The following VEGFA variants were observed in gnomAD, a reference collection of about 807,000 sequenced individuals.
VEGFA encodes vascular endothelial growth factor A, long form.
Under a neutral mutation model 49.7 loss-of-function variants are expected in VEGFA, and 20 were observed. The ratio of observed to expected loss-of-function variants is 0.40; its 90% CI spans 0.28 to 0.58. VEGFA has a LOEUF of 0.58. Among genes scored for constraint, VEGFA ranks in the 20% least tolerant of loss-of-function variants. The probability of loss-of-function intolerance (pLI) is 0.40; values close to 1 mark genes in which losing one functional copy is unlikely to be tolerated. For missense variants in VEGFA, 505 were observed against 553.5 expected (o/e 0.91, Z 0.88); for synonymous variants, 219 against 223.4 (o/e 0.98, Z 0.18).
At chr6:43,771,391 C>T (rs980637570) in intron 1 of VEGFA, 79 bp downstream of exon 1, 13 of 1,445,194 alleles carry the variant, frequency 9.0e-6, no homozygotes, top group African/African-American at 1.5e-5. Flanking sequence ...CGAGCGCGCG[C>T]GTGGGGGCTC....
In VEGFA at chr6:43,771,121, C is replaced by G. The variant is rs1328421749; in HGVS notation, c.415C>G (p.Leu139Val). Reference sequence around the variant, plus strand: ...TCCAGCCGCGCGCGCTCCCCAGGCCCTGGCCCGGGCCTCGGGCCGGGGAGG... The same window carrying G: ...TCCAGCCGCGCGCGCTCCCCAGGCCGTGGCCCGGGCCTCGGGCCGGGGAGG... Residue 139 changes from leucine to valine, a missense_variant, in exon 1 of 8, where the codon CTG becomes GTG. Coordinates refer to ENST00000672860, the MANE Select transcript of VEGFA (RefSeq NM_003376.6). 3 of 1,485,720 alleles carry G rather than the reference C, an allele frequency of 2.0e-6. No individual in the cohort carries two copies. Among genetic ancestry groups the G allele is most frequent in the East Asian group, 5.3e-5 (2 of 37,384 alleles). 92.0% of individuals were successfully genotyped at this position (1,485,720 alleles called of 1,614,324 possible).
chr6:43,781,663 G>T, intron 6 of VEGFA: 1 of 402,394 alleles, frequency 2.5e-6, no homozygotes, highest in Non-Finnish European at 4.7e-6. Context: ...TGTGGCCTGA[G>T]ACTCACCCTT....
rs1582498604 is a variant in VEGFA at position 43,777,601 on chromosome 6, G to A, written c.791G>A (p.Gly264Glu). Residue 264 changes from glycine to glutamate, a missense_variant, in exon 3 of 8, where the codon GGG becomes GAG. By Grantham distance (98) the Gly-to-Glu change is moderately conservative. This residue lies in a region of VEGFA where 165 missense variants were observed against 231.7 expected (regional missense o/e 0.71). Transcript: ENST00000672860. The surrounding 1 kb of genome is among the most constrained non-coding windows in gnomAD (Gnocchi z 4.3). ...TCCTGTGTGCCCCTGATGCGATGCGGGGGCTGCTGCAATGACGAGGGCCTG... is the reference window on the plus strand; with the variant it reads ...TCCTGTGTGCCCCTGATGCGATGCGAGGGCTGCTGCAATGACGAGGGCCTG... 1 of 1,614,112 alleles carries A rather than the reference G, an allele frequency of 6.2e-7. No individual in the cohort carries two copies. The highest frequency in any genetic ancestry group is 8.5e-7 in the Non-Finnish European group (1 of 1,180,010).
chr6:43,782,054 C>A lies in VEGFA; in HGVS notation c.1133C>A (p.Ala378Glu). The change falls in exon 7 of 8, where the codon GCG becomes GAG. Residue 378 changes from alanine to glutamate, a missense_variant. Around this residue, in one of 2 missense-constraint regions of VEGFA, gnomAD observed 165 missense variants for 231.7 expected, o/e 0.71. Transcript: ENST00000672860. ...AAAAACACAGACTCGCGTTGCAAGG[C>A]GAGGCAGCTTGAGTTAAACGAACGT... The A allele has an allele frequency of 6.2e-7, 1 of 1,614,014 alleles. No individual in the cohort carries two copies. Among genetic ancestry groups the A allele is most frequent in the Non-Finnish European group, 8.5e-7 (1 of 1,180,012 alleles).
At chr6:43,779,761 G>A in intron 5 of VEGFA, 1 of 458,776 alleles carries the variant, frequency 2.2e-6, no homozygotes, top group Non-Finnish European at 4.4e-6. Context: ...TCCTAAGGGG[G>A]ACAGACTTGC....
Position 43,785,618 on chromosome 6 carries a change from C to T in VEGFA, c.*1056C>T, listed in dbSNP as rs1168139170. On this transcript the variant is annotated 3_prime_UTR_variant, in exon 8 of 8. Coordinates refer to ENST00000672860, the MANE Select transcript of VEGFA (RefSeq NM_003376.6). ...GCCTAAAAGGACCTATGTCCTCACA[C>T]CATTGAAACCACTAGTTCTGTCCCC... 9.8e-6 allele frequency: 2 copies of T among 203,746 alleles called. No individual in the cohort carries two copies. The highest frequency in any genetic ancestry group is 4.6e-5 in the African/African-American group (2 of 43,588). 12.6% of individuals were successfully genotyped at this position (203,746 alleles called of 1,614,324 possible).
intron 2 of VEGFA, chr6:43,775,680 C>T (rs548293212): frequency 6.6e-6 from 1 of 152,388 alleles, no homozygotes; most frequent in South Asian, 2.1e-4. Context: ...GATTAGTCAT[C>T]TTCTCCCCTA....
Position 43,778,484 on chromosome 6 carries a change from G to A in VEGFA, c.880G>A (p.Gly294Ser), listed in dbSNP as rs1275152500. Residue 294 changes from glycine (G) to serine (S), a missense_variant, in exon 4 of 8, where the codon GGC becomes AGC. By Grantham distance (56) the Gly-to-Ser change is moderately conservative. Around this residue, in one of 2 missense-constraint regions of VEGFA, gnomAD observed 165 missense variants for 231.7 expected, o/e 0.71. Transcript: ENST00000672860. ...GATTATGCGGATCAAACCTCACCAA[G>A]GCCAGCACATAGGAGAGATGAGCTT... 6.2e-7 allele frequency: 1 copy of A among 1,614,176 alleles called. No individual in the cohort carries two copies. The highest frequency in any genetic ancestry group is 8.5e-7 in the Non-Finnish European group (1 of 1,180,030).
At chr6:43,781,751 G>T in intron 6 of VEGFA, 1 of 602,258 alleles carries the variant, frequency 1.7e-6, no homozygotes, top group Non-Finnish European at 2.9e-6. Flanking sequence ...GCCTCTTCCT[G>T]CGGCAGGTGT....
chr6:43,784,759 G>A lies in VEGFA; in HGVS notation c.*197G>A, dbSNP rs936479141. ...GCAGAGCACTTTGGGTCCGGAGGGC[G>A]AGACTCCGGCGGAAGCATTCCCGGG... On this transcript the variant is annotated 3_prime_UTR_variant, in exon 8 of 8. Transcript: ENST00000672860. The A allele has an allele frequency of 8.5e-5, 83 of 975,668 alleles. No homozygotes were observed. The highest frequency in any genetic ancestry group is 4.1e-4 in the Middle Eastern group (2 of 4,846). 60.4% of individuals were successfully genotyped at this position (975,668 alleles called of 1,614,324 possible).
Position 43,784,637 on chromosome 6 carries a change from G to T in VEGFA, c.*75G>T. The T allele has an allele frequency of 6.2e-7, 1 of 1,613,540 alleles. No individual in the cohort carries two copies. Among genetic ancestry groups the T allele is most frequent in the Non-Finnish European group, 8.5e-7 (1 of 1,179,468 alleles). The stretch of plus-strand genomic sequence containing the variant: ...TCACCAGGAAAGACTGATACAGAAC[G>T]ATCGATACAGAAACCACGCTGCCGC... On this transcript the variant is annotated 3_prime_UTR_variant, in exon 8 of 8. Coordinates refer to ENST00000672860, the MANE Select transcript of VEGFA (RefSeq NM_003376.6).
chr6:43,780,644 C>T lies in VEGFA; in HGVS notation c.963-88C>T, dbSNP rs180822844. 1,625 of 1,560,340 alleles carry T rather than the reference C, an allele frequency of 1.0e-3. 3 individuals carry two copies. Among genetic ancestry groups the T allele is most frequent in the Non-Finnish European group, 1.2e-3 (1,423 of 1,141,576 alleles). ...CGGCCCTGTGTGGCTTTGCTTTGGT[C>T]GTTCCCCCATCCCTGCCCACCTTAC... On this transcript the variant is annotated intron_variant, in intron 5 of 7. Transcript: ENST00000672860.
chr6:43,771,097 C>G lies in VEGFA; in HGVS notation c.391C>G (p.Pro131Ala), dbSNP rs2127996699. Reference sequence around the variant, plus strand: ...GGCGGCGGTGTGCGCAGACAGTGCTCCAGCCGCGCGCGCTCCCCAGGCCCT... The same window carrying G: ...GGCGGCGGTGTGCGCAGACAGTGCTGCAGCCGCGCGCGCTCCCCAGGCCCT... The change falls in exon 1 of 8, where the codon CCA (proline) becomes GCA (alanine). Residue 131 changes from proline to alanine, a missense_variant. This residue lies in a region of VEGFA where 340 missense variants were observed against 321.8 expected (regional missense o/e 1.06). Coordinates refer to ENST00000672860, the MANE Select transcript of VEGFA (RefSeq NM_003376.6). 6.8e-7 allele frequency: 1 copy of G among 1,470,358 alleles called. No individual in the cohort carries two copies. Among genetic ancestry groups the G allele is most frequent in the Non-Finnish European group, 9.0e-7 (1 of 1,115,240 alleles). 91.1% of individuals were successfully genotyped at this position (1,470,358 alleles called of 1,614,324 possible). A position where few individuals can be genotyped will look rare whatever the true frequency, so the allele number is the denominator to read the frequency against.
rs372384354 is a variant in VEGFA at position 43,784,653 on chromosome 6, A to C, written c.*91A>C. 71 of 1,605,130 alleles carry C rather than the reference A, an allele frequency of 4.4e-5. No individual in the cohort carries two copies. In the South Asian group the frequency reaches 7.8e-4, roughly 18 times the overall value. ...ATACAGAACGATCGATACAGAAACC[A>C]CGCTGCCGCCACCACACCATCACCA... On this transcript the variant is annotated 3_prime_UTR_variant, in exon 8 of 8. Transcript: ENST00000672860.
intron 3 of VEGFA, 48 bp from the exon 4 acceptor site, chr6:43,778,412 T>C (rs1245196196): frequency 6.4e-7 from 1 of 1,564,714 alleles, no homozygotes; most frequent in Non-Finnish European, 8.8e-7. Flanking sequence ...CATCTGGGTA[T>C]GGCTGGCTGG....
chr6:43,771,161 G>A lies in VEGFA; in HGVS notation c.455G>A (p.Arg152Gln), dbSNP rs769291960. The change falls in exon 1 of 8, where the codon CGA becomes CAA. Residue 152 changes from arginine to glutamine, a missense_variant. Physicochemically the swap from Arg to Gln is conservative, Grantham distance 43. Coordinates refer to ENST00000672860, the MANE Select transcript of VEGFA (RefSeq NM_003376.6). Reference sequence around the variant, plus strand: ...GGCCGGGGAGGAAGAGTAGCTCGCCGAGGCGCCGAGGAGAGCGGGCCGCCC... The same window carrying A: ...GGCCGGGGAGGAAGAGTAGCTCGCCAAGGCGCCGAGGAGAGCGGGCCGCCC... 4 of 1,557,562 alleles carry A rather than the reference G, an allele frequency of 2.6e-6. No individual in the cohort carries two copies. Among genetic ancestry groups the A allele is most frequent in the Non-Finnish European group, 3.5e-6 (4 of 1,156,286 alleles).
chr6:43,777,181 C>T lies in VEGFA; in HGVS notation c.659-288C>T, dbSNP rs1036962976. ...CTGGCATCGAGGTTGGCCCAGGATT[C>T]AGTTCAGCTGTCACAGTGAGGTGGC... On this transcript the variant is annotated intron_variant, in intron 2 of 7. Transcript: ENST00000672860. The surrounding 1 kb of genome is among the most constrained non-coding windows in gnomAD (Gnocchi z 4.3). The T allele has an allele frequency of 1.0e-5, 5 of 496,784 alleles. No homozygotes were observed. In the East Asian group the frequency reaches 2.0e-4, roughly 20 times the overall value. The allele number at this position is 496,784 out of a possible 1,614,324, so 30.8% of individuals were successfully genotyped here.
chr6:43,781,059 C>T, intron 6 of VEGFA: 2 of 819,224 alleles, frequency 2.4e-6, no homozygotes, highest in South Asian at 1.7e-5. Flanking sequence ...GGAGGGGACC[C>T]TGGCTTGGCT....
At position 43,770,757 on chromosome 6, in the gene VEGFA, C is replaced by T. The variant is rs989641262; in HGVS notation, c.51C>T (p.Leu17=). ...CCCCCAGCCCCAGCTACCACCTCCT[C>T]CCCGGCCGGCGGCGGACAGTGGACG... is the stretch of plus-strand genomic sequence containing the variant. Residue 17 remains leucine (L), a synonymous_variant, in exon 1 of 8, where the codon CTC becomes CTT. Transcript: ENST00000672860. 4.0e-6 allele frequency: 6 copies of T among 1,497,680 alleles called. No homozygotes were observed. Among genetic ancestry groups the T allele is most frequent in the Middle Eastern group, 1.9e-4 (1 of 5,172 alleles). The allele number at this position is 1,497,680 out of a possible 1,614,324, so 92.8% of individuals were successfully genotyped here.
Sources: gnomAD v4.1 joint callset for allele counts on GRCh38, gnomAD v4.1.1 for gene constraint, gnomAD v4.1.1 regional missense constraint, Gnocchi (gnomAD v3.1) non-coding constraint, MANE v1.5 for transcripts, NCBI Gene and HGNC (gene_info 2026-07-23, HGNC 2026-07-21) for gene names.